Variants in ARHGAP26 observed in about 807,000 individuals in gnomAD.
The protein encoded by ARHGAP26 is rho GTPase-activating protein 26.
A neutral mutation model predicts 104.8 loss-of-function variants in ARHGAP26; 38 were observed. That is an observed-to-expected ratio of 0.36 (90% CI 0.28 to 0.48). The LOEUF is 0.48. Among genes scored for constraint, ARHGAP26 ranks in the 20% least tolerant of loss-of-function variants. The probability of loss-of-function intolerance (pLI) is 0.99; values close to 1 mark genes in which losing one functional copy is unlikely to be tolerated. For missense variants in ARHGAP26, 704 were observed against 947.9 expected (o/e 0.74, Z 3.38); for synonymous variants, 341 against 340.0 (o/e 1.00, Z -0.03).
rs1018201459 is a variant in ARHGAP26, at chr5:143,228,550, C to G, written c.*6104C>G. The G allele has an allele frequency of 4.5e-6, 1 of 220,128 alleles. No individual in the cohort carries two copies. Among genetic ancestry groups the G allele is most frequent in the African/African-American group, 2.2e-5 (1 of 44,592 alleles). The allele number at this position is 220,128 out of a possible 1,614,324, so 13.6% of individuals were successfully genotyped here. Reference sequence around the variant, plus strand: ...ATGCTTAGTAGCTAAGGCTAGTGTTCAAAAGCACTCTAAAAGACATTTTGT... The same window carrying G: ...ATGCTTAGTAGCTAAGGCTAGTGTTGAAAAGCACTCTAAAAGACATTTTGT... On this transcript the variant is annotated 3_prime_UTR_variant, in exon 23 of 23. Coordinates refer to ENST00000645722, the MANE Select transcript of ARHGAP26 (RefSeq NM_001135608.3).
At chr5:143,077,041 A>G (rs1407273575) in intron 17 of ARHGAP26, among the ~76,000 whole-genome samples, 3 of 152,224 alleles carry the variant, frequency 2.0e-5, no homozygotes, top group African/African-American at 7.2e-5. Flanking sequence ...ATAGTGCCAC[A>G]TTATTCTCTG....
intron 15 of ARHGAP26, 141 bp downstream of exon 15, chr5:143,054,667 C>G (rs1403302068): frequency 1.7e-6 from 1 of 586,070 alleles, no homozygotes; most frequent in Non-Finnish European, 3.0e-6. Context: ...GTGCGTTTAG[C>G]TCAGCTGGTC....
At chr5:143,136,023 C>T (rs1379387629) in intron 19 of ARHGAP26, among the ~76,000 whole-genome samples, 1 of 152,174 alleles carries the variant, frequency 6.6e-6, no homozygotes, top group Non-Finnish European at 1.5e-5. Context: ...TCCAGGACAG[C>T]CACGGTCACC....
At chr5:142,961,307 G>A (rs147294228) in intron 11 of ARHGAP26, among the ~76,000 whole-genome samples, 1,714 of 152,090 alleles carry the variant, frequency 0.011, 24 homozygotes, top group African/African-American at 0.027. Flanking sequence ...CCTGGGCAAC[G>A]TGGTGAAACC....
At chr5:142,903,741 G>A in intron 8 of ARHGAP26, 72 bp downstream of exon 8, 1 of 1,518,132 alleles carries the variant, frequency 6.6e-7, no homozygotes, top group Non-Finnish European at 8.9e-7. Flanking sequence ...GATGTATTCA[G>A]CAGTGCCTAC....
intron 20 of ARHGAP26, among the ~76,000 whole-genome samples, chr5:143,196,944 G>A (rs537921072): frequency 2.0e-5 from 3 of 152,220 alleles, no homozygotes; most frequent in South Asian, 2.1e-4. Context: ...TGCAAATAAG[G>A]AATATGGAAA....
At chr5:142,850,175 C>T (rs1306254800) in intron 1 of ARHGAP26, among the ~76,000 whole-genome samples, 1 of 152,180 alleles carries the variant, frequency 6.6e-6, no homozygotes, top group South Asian at 2.1e-4. Context: ...TCTTTTGGCC[C>T]TACTATTTCC....
chr5:143,188,098 G>A (rs1332852552), intron 20 of ARHGAP26, among the ~76,000 whole-genome samples: 1 of 152,184 alleles, frequency 6.6e-6, no homozygotes, highest in Non-Finnish European at 1.5e-5. Flanking sequence ...TAATTCAGTG[G>A]ATAAGAAGCT....
intron 17 of ARHGAP26, among the ~76,000 whole-genome samples, chr5:143,084,562 C>T (rs1485297755): frequency 1.3e-5 from 2 of 152,156 alleles, no homozygotes; most frequent in African/African-American, 2.4e-5. Context: ...TTTTTACTGC[C>T]CTACTTACAG....
At chr5:143,075,397 C>T (rs17650820) in intron 17 of ARHGAP26, among the ~76,000 whole-genome samples, 9,049 of 151,330 alleles carry the variant, frequency 0.06, 1,064 homozygotes, top group East Asian at 0.51. Context: ...ACTTTTAGGT[C>T]AAAATAGCAA....
At chr5:143,057,953 A>G (rs748539667) in intron 17 of ARHGAP26, 5 of 686,680 alleles carry the variant, frequency 7.3e-6, no homozygotes, top group Non-Finnish European at 1.4e-5. Flanking sequence ...ATGCTGGGGA[A>G]GTGCTCATGC....
rs551859563 is a variant in ARHGAP26 at position 143,054,335 on chromosome 5, T to C, written c.1286-104T>C. The C allele has an allele frequency of 8.9e-6, 6 of 671,472 alleles. No individual in the cohort carries two copies. The African/African-American group carries it at 1.1e-4, about 12-fold the overall frequency. 41.6% of individuals were successfully genotyped at this position (671,472 alleles called of 1,614,324 possible). On this transcript the variant is annotated intron_variant, in intron 14 of 22. Coordinates refer to ENST00000645722, the MANE Select transcript of ARHGAP26 (RefSeq NM_001135608.3). ...AAAATACTTGTCATTTTTGTTTTAC[T>C]TTGCATTTCTCTAGTTACTAGCAAG...
At chr5:142,937,168 TTAAA>T (rs558863230) in intron 11 of ARHGAP26, among the ~76,000 whole-genome samples, 90 of 151,962 alleles carry the variant, frequency 5.9e-4, no homozygotes, top group African/African-American at 1.9e-3. Context: ...AGATCTAGGA[TTAAA>T]TAAATAAATA....
At chr5:143,097,246 G>T (rs1792470277) in intron 17 of ARHGAP26, among the ~76,000 whole-genome samples, 1 of 151,556 alleles carries the variant, frequency 6.6e-6, no homozygotes, top group African/African-American at 2.4e-5. Flanking sequence ...GGAGGCGGCT[G>T]AGGCAGGAGG....
intron 17 of ARHGAP26, among the ~76,000 whole-genome samples, chr5:143,072,335 A>G (rs1238197613): frequency 6.6e-6 from 1 of 152,218 alleles, no homozygotes; most frequent in Non-Finnish European, 1.5e-5. Context: ...GCCACTGTGG[A>G]AAGCAGTATG....
chr5:142,978,688 A>G (rs1773484024), intron 11 of ARHGAP26, among the ~76,000 whole-genome samples: 1 of 151,468 alleles, frequency 6.6e-6, no homozygotes, highest in East Asian at 1.9e-4. Flanking sequence ...CCTCTTGAAC[A>G]CCCTATAAAT....
At chr5:143,050,436 G>C (rs1162138965) in intron 14 of ARHGAP26, among the ~76,000 whole-genome samples, 1 of 152,028 alleles carries the variant, frequency 6.6e-6, no homozygotes, top group Non-Finnish European at 1.5e-5. Context: ...GTAAAGCACG[G>C]AATTATAGTA....
chr5:142,805,773 T>G (rs1762875041), intron 1 of ARHGAP26, among the ~76,000 whole-genome samples: 1 of 152,224 alleles, frequency 6.6e-6, no homozygotes, highest in African/African-American at 2.4e-5. Flanking sequence ...CTGCTGCCTC[T>G]CCTTCTCTAT....
chr5:142,844,568 A>G (rs1292558074), intron 1 of ARHGAP26, among the ~76,000 whole-genome samples: 1 of 152,086 alleles, frequency 6.6e-6, no homozygotes, highest in African/African-American at 2.4e-5. Flanking sequence ...GAACTCCAGA[A>G]TAAGAACTCT....
Sources: gnomAD v4.1 joint callset for allele counts (sites outside exome capture counted in the v4.1 genomes callset) on GRCh38, gnomAD v4.1.1 for gene constraint, MANE v1.5 for transcripts, NCBI Gene and HGNC (gene_info 2026-07-23, HGNC 2026-07-21) for gene names.